The following NR1H4 variants were observed in gnomAD, a reference collection of about 807,000 sequenced individuals.
NR1H4 encodes the protein bile acid receptor.
Under a neutral mutation model 58.5 loss-of-function variants are expected in NR1H4, and 23 were observed. The observed-to-expected ratio is 0.39, with a 90% CI of 0.28 to 0.56. NR1H4 has a LOEUF of 0.56. NR1H4 is among the 20% of genes least tolerant of loss of function. The probability of loss-of-function intolerance (pLI) is 0.58; values close to 1 mark genes in which losing one functional copy is unlikely to be tolerated. For missense variants in NR1H4, 487 were observed against 576.9 expected (o/e 0.84, Z 1.60); for synonymous variants, 214 against 198.0 (o/e 1.08, Z -0.68).
At chr12:100,508,299 A>G (rs1954017931) in intron 3 of NR1H4, among the ~76,000 whole-genome samples, 1 of 152,170 alleles carries the variant, frequency 6.6e-6, no homozygotes, top group Non-Finnish European at 1.5e-5. Context: ...TTCAAGAAAC[A>G]GAGATGTCCG....
chr12:100,478,269 T>C (rs1953311822), intron 1 of NR1H4, among the ~76,000 whole-genome samples: 1 of 152,184 alleles, frequency 6.6e-6, no homozygotes. Flanking sequence ...CTCCTAAACA[T>C]TTATTAATTT....
At chr12:100,482,299 CA>C (rs66483177) in intron 1 of NR1H4, among the ~76,000 whole-genome samples, 3,595 of 148,174 alleles carry the variant, frequency 0.024, 149 homozygotes, top group African/African-American at 0.085. Context: ...CTTTATGTGA[CA>C]AAAAAAAAAT....
intron 3 of NR1H4, among the ~76,000 whole-genome samples, chr12:100,494,793 AT>A (rs1953677519): frequency 6.6e-6 from 1 of 152,234 alleles, no homozygotes; most frequent in South Asian, 2.1e-4. Context: ...AATTAGGACT[AT>A]TGGCACATAC....
chr12:100,553,904 C>G (rs1266513181), intron 9 of NR1H4, among the ~76,000 whole-genome samples: 1 of 152,222 alleles, frequency 6.6e-6, no homozygotes, highest in African/African-American at 2.4e-5. Flanking sequence ...CAGTAGACTC[C>G]CCTTTAGTCT....
intron 3 of NR1H4, among the ~76,000 whole-genome samples, chr12:100,507,580 A>T (rs182813136): frequency 2.6e-4 from 40 of 152,194 alleles, no homozygotes; most frequent in African/African-American, 8.9e-4. Flanking sequence ...CTCCTGCCTC[A>T]GCCTCCCAGG....
intron 6 of NR1H4, among the ~76,000 whole-genome samples, chr12:100,535,324 C>T (rs1198582854): frequency 6.6e-6 from 1 of 152,206 alleles, no homozygotes; most frequent in Non-Finnish European, 1.5e-5. Context: ...GTATTGATGA[C>T]CATTTTTTCC....
At chr12:100,563,034 A>G (rs1237433374) in intron 10 of NR1H4, among the ~76,000 whole-genome samples, 4 of 152,138 alleles carry the variant, frequency 2.6e-5, no homozygotes, top group Non-Finnish European at 5.9e-5. Flanking sequence ...TGGAAGGGGA[A>G]TTGGGAGGCT....
Position 100,563,517 on chromosome 12 carries a change from C to T in NR1H4, c.*28C>T. ...GGGATTACAGGGGAGGGGTCTAGCT[C>T]CTTTTTCTCTCTCATATTAATCTGA... On this transcript the variant is annotated 3_prime_UTR_variant, in exon 11 of 11. Transcript: ENST00000392986. The T allele has an allele frequency of 6.6e-7, 1 of 1,520,388 alleles. No homozygotes were observed. The highest frequency in any genetic ancestry group is 1.1e-5 in the South Asian group (1 of 89,194). 94.2% of individuals were successfully genotyped at this position (1,520,388 alleles called of 1,614,324 possible). A position where few individuals can be genotyped will look rare whatever the true frequency, so the allele number is the denominator to read the frequency against.
chr12:100,484,643 A>G (rs1173661655), intron 1 of NR1H4, among the ~76,000 whole-genome samples: 2 of 152,160 alleles, frequency 1.3e-5, no homozygotes, highest in African/African-American at 2.4e-5. Flanking sequence ...TATGCTGTAC[A>G]CAAGTTCCTT....
intron 3 of NR1H4, among the ~76,000 whole-genome samples, chr12:100,509,970 T>A (rs961613447): frequency 6.6e-6 from 1 of 152,176 alleles, no homozygotes; most frequent in African/African-American, 2.4e-5. Context: ...GATGTGAATA[T>A]ACACATTGGT....
chr12:100,517,367 C>A (rs564813691), intron 4 of NR1H4, among the ~76,000 whole-genome samples: 13 of 152,264 alleles, frequency 8.5e-5, no homozygotes, highest in Admixed American at 7.2e-4. Context: ...GGATTTCATT[C>A]TTTTTTATGG....
chr12:100,550,789 C>A (rs551627190), intron 9 of NR1H4, among the ~76,000 whole-genome samples: 3 of 152,192 alleles, frequency 2.0e-5, no homozygotes, highest in Non-Finnish European at 4.4e-5. Context: ...CTTTTTCCAT[C>A]CCCACAAGGG....
Position 100,493,410 on chromosome 12 carries a change from G to A in NR1H4, c.79+8G>A, listed in dbSNP as rs1217747779. 5 of 1,379,376 alleles carry A rather than the reference G, an allele frequency of 3.6e-6. No homozygotes were observed. The highest frequency in any genetic ancestry group is 3.7e-5 in the Admixed American group (2 of 54,366). 85.4% of individuals were successfully genotyped at this position (1,379,376 alleles called of 1,614,324 possible). A position where few individuals can be genotyped will look rare whatever the true frequency, so the allele number is the denominator to read the frequency against. On this transcript the variant is annotated splice_region_variant and intron_variant, in intron 3 of 10. Transcript: ENST00000392986. ...TTTCTGAAAATTTATTTGGTAAGTTGTCAAGTTCATTTGAATATCAATAAG... is the reference window on the plus strand; with the variant it reads ...TTTCTGAAAATTTATTTGGTAAGTTATCAAGTTCATTTGAATATCAATAAG...
chr12:100,499,924 A>G (rs1300210223), intron 3 of NR1H4: 1 of 455,922 alleles, frequency 2.2e-6, no homozygotes, highest in African/African-American at 2.0e-5. Context: ...AACTTTGCAC[A>G]AGTTACTTGC....
intron 9 of NR1H4, among the ~76,000 whole-genome samples, chr12:100,544,396 A>G (rs1195757887): frequency 6.6e-6 from 1 of 152,104 alleles, no homozygotes; most frequent in Non-Finnish European, 1.5e-5. Context: ...TGGTTTATTC[A>G]TCAAGAGACA....
intron 9 of NR1H4, among the ~76,000 whole-genome samples, chr12:100,551,578 G>T (rs1328031787): frequency 2.0e-5 from 3 of 152,184 alleles, no homozygotes; most frequent in Non-Finnish European, 4.4e-5. Flanking sequence ...GCAAATTTAG[G>T]ACTCAAATTA....
intron 9 of NR1H4, among the ~76,000 whole-genome samples, chr12:100,543,915 A>G (rs1954997196): frequency 6.6e-6 from 1 of 152,124 alleles, no homozygotes; most frequent in Non-Finnish European, 1.5e-5. Flanking sequence ...TTTGTCATTT[A>G]TTTGATTCTG....
In NR1H4 at chr12:100,482,941, A is replaced by G. The variant is rs111683390; in HGVS notation, c.-190+8882A>G. ...CAGGTATTTTATTATTTATTTATTT[A>G]TTTGAGACAGAGTGTCACTCTGTCA... On this transcript the variant is annotated intron_variant, in intron 1 of 10. Transcript: ENST00000392986. Among the ~76,000 whole-genome samples the G allele has an allele frequency of 3.9e-5, 6 of 152,072 alleles. 1 individual carries two copies. Among genetic ancestry groups the G allele is most frequent in the African/African-American group, 1.4e-4 (6 of 41,508 alleles).
intron 9 of NR1H4, 86 bp from the exon 10 acceptor site, chr12:100,561,799 C>T (rs1223949538): frequency 2.8e-6 from 2 of 708,870 alleles, no homozygotes; most frequent in Admixed American, 2.0e-5. Flanking sequence ...GCAAAATTAC[C>T]ATGTGTTTAT....
Sources: gnomAD v4.1 joint callset for allele counts (sites outside exome capture counted in the v4.1 genomes callset) on GRCh38, gnomAD v4.1.1 for gene constraint, MANE v1.5 for transcripts, NCBI Gene and HGNC (gene_info 2026-07-23, HGNC 2026-07-21) for gene names.